Variants in MARCHF1 observed in about 807,000 individuals in gnomAD.
The protein encoded by MARCHF1 is E3 ubiquitin-protein ligase MARCHF1.
A neutral mutation model predicts 54.2 loss-of-function variants in MARCHF1; 40 were observed. The observed-to-expected ratio is 0.74, with a 90% CI of 0.57 to 0.96. MARCHF1 has a LOEUF of 0.96. Ranked by LOEUF, MARCHF1 falls within the 40% of genes least tolerant of loss-of-function variation. The pLI, the probability that MARCHF1 is intolerant of heterozygous loss-of-function variation, is 0.00. For synonymous variants in MARCHF1, 236 were observed against 236.3 expected (o/e 1.00, Z 0.01); for missense variants, 586 against 656.5 (o/e 0.89, Z 1.17).
intron 3 of MARCHF1, among the ~76,000 whole-genome samples, chr4:163,886,356 T>C (rs551921468): frequency 6.8e-6 from 1 of 147,868 alleles, no homozygotes; most frequent in African/African-American, 2.6e-5. Context: ...TAGATATAGA[T>C]AGATAGATAT....
chr4:163,732,801 C>T (rs957694244), intron 4 of MARCHF1, among the ~76,000 whole-genome samples: 1 of 151,994 alleles, frequency 6.6e-6, no homozygotes, highest in Non-Finnish European at 1.5e-5. Context: ...AAAATAAAGG[C>T]ATACTCAGAC....
intron 3 of MARCHF1, among the ~76,000 whole-genome samples, chr4:163,860,911 A>C (rs926844709): frequency 8.5e-5 from 13 of 152,204 alleles, no homozygotes; most frequent in Non-Finnish European, 1.8e-4. Context: ...TTGGCTTTCT[A>C]CAACAACAAA....
chr4:164,329,418 G>A (rs552048418), intron 1 of MARCHF1, among the ~76,000 whole-genome samples: 4 of 152,090 alleles, frequency 2.6e-5, no homozygotes, highest in African/African-American at 9.6e-5. Flanking sequence ...AGAAAAAGGA[G>A]AAAGAATGAA....
At chr4:164,203,593 T>G (rs1560952584) in intron 1 of MARCHF1, among the ~76,000 whole-genome samples, 1 of 152,166 alleles carries the variant, frequency 6.6e-6, no homozygotes, top group Admixed American at 6.5e-5. Flanking sequence ...TCAATGTTAA[T>G]TTTACTACCC....
At chr4:163,832,032 A>G (rs1046762255) in intron 4 of MARCHF1, among the ~76,000 whole-genome samples, 4 of 152,220 alleles carry the variant, frequency 2.6e-5, no homozygotes, top group Admixed American at 2.6e-4. Context: ...ACAGATTAGA[A>G]CTAGTAAGAC....
At chr4:163,641,178 T>C (rs991953777) in intron 5 of MARCHF1, among the ~76,000 whole-genome samples, 1 of 152,166 alleles carries the variant, frequency 6.6e-6, no homozygotes, top group African/African-American at 2.4e-5. Context: ...TTCTAAATAG[T>C]GTCTGCTATC....
chr4:163,533,699 A>G (rs536914648), intron 9 of MARCHF1, among the ~76,000 whole-genome samples: 1 of 143,946 alleles, frequency 6.9e-6, no homozygotes, highest in Non-Finnish European at 1.5e-5. Flanking sequence ...ATATATATTT[A>G]TATATATTAG....
At chr4:164,003,748 AC>A (rs932693911) in intron 2 of MARCHF1, among the ~76,000 whole-genome samples, 4 of 152,116 alleles carry the variant, frequency 2.6e-5, no homozygotes, top group African/African-American at 7.2e-5. Context: ...AGGATCTGGA[AC>A]CAGAAATACC....
At chr4:163,594,339 T>C (rs1740690063) in intron 7 of MARCHF1, among the ~76,000 whole-genome samples, 1 of 151,790 alleles carries the variant, frequency 6.6e-6, no homozygotes, top group Admixed American at 6.6e-5. Flanking sequence ...AAATACAATA[T>C]TTAGTATATA....
At chr4:164,063,613 C>T (rs973034500) in intron 2 of MARCHF1, among the ~76,000 whole-genome samples, 6 of 152,282 alleles carry the variant, frequency 3.9e-5, no homozygotes, top group African/African-American at 1.2e-4. Flanking sequence ...TCATCTACCC[C>T]TATGAAGTGG....
intron 4 of MARCHF1, among the ~76,000 whole-genome samples, chr4:163,779,626 G>A (rs1747405716): frequency 1.3e-5 from 2 of 151,854 alleles, no homozygotes; most frequent in Non-Finnish European, 2.9e-5. Flanking sequence ...ATAACCAACA[G>A]TCCAGAAAAA....
chr4:163,724,638 G>C (rs1463688891), intron 4 of MARCHF1, among the ~76,000 whole-genome samples: 1 of 152,184 alleles, frequency 6.6e-6, no homozygotes, highest in Non-Finnish European at 1.5e-5. Flanking sequence ...AAGCCTCCTT[G>C]AGCTGCAGTG....
At position 163,765,695 on chromosome 4, in the gene MARCHF1, C is replaced by T. The variant is rs1392342802; in HGVS notation, c.112-64832G>A. 2.0e-5 allele frequency among the ~76,000 whole-genome samples: 3 copies of T among 151,670 alleles called. No homozygotes were observed. The East Asian group carries it at 5.8e-4, about 29-fold the overall frequency. ...AAACACCACTGCCTCAGACATGGAACCAAGTTTACTACTTTCATGGTGTCC... is the reference window on the plus strand; with the variant it reads ...AAACACCACTGCCTCAGACATGGAATCAAGTTTACTACTTTCATGGTGTCC... On this transcript the variant is annotated intron_variant, in intron 4 of 9. Coordinates refer to ENST00000514618, the MANE Select transcript of MARCHF1 (RefSeq NM_001394959.1).
At chr4:163,535,216 T>C (rs1036613470) in intron 9 of MARCHF1, among the ~76,000 whole-genome samples, 5 of 152,080 alleles carry the variant, frequency 3.3e-5, no homozygotes, top group Non-Finnish European at 7.4e-5. Flanking sequence ...GAGGGGGGTA[T>C]ATAAAAGAAT....
chr4:164,050,211 G>C (rs1754331522), intron 2 of MARCHF1, among the ~76,000 whole-genome samples: 2 of 144,510 alleles, frequency 1.4e-5, no homozygotes, highest in Non-Finnish European at 3.0e-5. Context: ...GGAGGTGGAG[G>C]TTGCAGTGAG....
At chr4:163,866,601 G>A (rs574071500) in intron 3 of MARCHF1, among the ~76,000 whole-genome samples, 1 of 150,754 alleles carries the variant, frequency 6.6e-6, no homozygotes, top group African/African-American at 2.4e-5. Context: ...CGTTTACCCA[G>A]AGGTAGTCAA....
chr4:164,186,494 C>G (rs1730974323), intron 1 of MARCHF1, among the ~76,000 whole-genome samples: 1 of 152,192 alleles, frequency 6.6e-6, no homozygotes, highest in South Asian at 2.1e-4. Context: ...CCAGTGCAAT[C>G]TTTTTGGCTT....
chr4:164,266,967 G>C (rs1733625954), intron 1 of MARCHF1, among the ~76,000 whole-genome samples: 2 of 152,216 alleles, frequency 1.3e-5, no homozygotes, highest in Non-Finnish European at 2.9e-5. Context: ...AAGCTGCTAA[G>C]GTTTGGTGGT....
intron 2 of MARCHF1, among the ~76,000 whole-genome samples, chr4:164,053,492 T>C (rs2111049399): frequency 6.6e-6 from 1 of 152,302 alleles, no homozygotes; most frequent in Middle Eastern, 3.4e-3. Flanking sequence ...AACATTTGCA[T>C]ATGATTGAGA....
Sources: allele counts gnomAD v4.1 joint callset (sites outside exome capture counted in the v4.1 genomes callset), GRCh38; gene constraint gnomAD v4.1.1; transcripts MANE v1.5; gene names NCBI Gene and HGNC (gene_info 2026-07-23, HGNC 2026-07-21).